The following NRF1 variants were observed in gnomAD, a reference collection of about 807,000 sequenced individuals.
NRF1 encodes nuclear respiratory factor 1.
NRF1 carries 5 observed loss-of-function variants against 58.5 expected under a neutral mutation model. That is an observed-to-expected ratio of 0.09 (90% CI 0.04 to 0.18). The LOEUF is 0.18. NRF1 is among the 10% of genes least tolerant of loss of function. The probability of loss-of-function intolerance (pLI) is 1.00; values close to 1 mark genes in which losing one functional copy is unlikely to be tolerated. For missense variants in NRF1, 288 were observed against 657.7 expected, an observed-to-expected ratio of 0.44 and a Z score of 6.15; for synonymous variants, 224 against 246.7, an observed-to-expected ratio of 0.91 and a Z score of 0.86.
At chr7:129,670,067 T>G (rs1415183319) in intron 2 of NRF1, among the ~76,000 whole-genome samples, 14 of 152,192 alleles carry the variant, frequency 9.2e-5, no homozygotes, top group Admixed American at 6.5e-5. Context: ...TTGGGGACAT[T>G]ATGATAAGTG....
chr7:129,676,806 G>T (rs1157061577), intron 3 of NRF1, among the ~76,000 whole-genome samples: 1 of 152,128 alleles, frequency 6.6e-6, no homozygotes, highest in East Asian at 1.9e-4. Context: ...AAAGATCCCA[G>T]ATAGTATCTG....
At chr7:129,753,663 C>T (rs537891404) in intron 10 of NRF1, among the ~76,000 whole-genome samples, 1 of 152,054 alleles carries the variant, frequency 6.6e-6, no homozygotes, top group South Asian at 2.1e-4. Flanking sequence ...AGGTTATGTG[C>T]TTCTTCCTTT....
At chr7:129,683,364 T>C (rs1290122962) in intron 4 of NRF1, among the ~76,000 whole-genome samples, 1 of 149,062 alleles carries the variant, frequency 6.7e-6, no homozygotes, top group Non-Finnish European at 1.5e-5. Context: ...AGACTTGCTC[T>C]ATTGCCCAGG....
chr7:129,706,030 G>A (rs1040503936), intron 5 of NRF1, among the ~76,000 whole-genome samples: 8 of 152,130 alleles, frequency 5.3e-5, no homozygotes, highest in Admixed American at 2.6e-4. Flanking sequence ...AATGAGTGGC[G>A]GCATTAGAAT....
chr7:129,709,361 C>A, intron 6 of NRF1, 128 bp downstream of exon 6: 1 of 669,736 alleles, frequency 1.5e-6, no homozygotes, highest in South Asian at 4.8e-5. Context: ...CCTCCAAAGA[C>A]TGATATTCTT....
chr7:129,687,101 T>C (rs965522083), intron 4 of NRF1, among the ~76,000 whole-genome samples: 4 of 152,196 alleles, frequency 2.6e-5, no homozygotes, highest in African/African-American at 9.7e-5. Flanking sequence ...CTTCTTCACA[T>C]TCAGAGTCCA....
chr7:129,671,929 A>G (rs1802057120), intron 3 of NRF1, among the ~76,000 whole-genome samples: 1 of 152,176 alleles, frequency 6.6e-6, no homozygotes, highest in Admixed American at 6.5e-5. Flanking sequence ...GGAGTAAGGA[A>G]AATAGAAAAG....
At chr7:129,637,504 A>T (rs75002267) in intron 1 of NRF1, among the ~76,000 whole-genome samples, 2,464 of 152,266 alleles carry the variant, frequency 0.016, 71 homozygotes, top group African/African-American at 0.056. Context: ...AGGGAGAAAT[A>T]AATCTATAAA....
At chr7:129,689,669 A>C (rs189047178) in intron 4 of NRF1, among the ~76,000 whole-genome samples, 14 of 152,228 alleles carry the variant, frequency 9.2e-5, no homozygotes, top group Non-Finnish European at 1.9e-4. Flanking sequence ...TGAGACATGT[A>C]ACTGGCAGTA....
rs981454259 is a variant in NRF1, at chr7:129,701,610, GA to G, written c.607-7455del. Among the ~76,000 whole-genome samples the G allele has an allele frequency of 2.7e-4, 39 of 145,224 alleles. No homozygotes were observed. The South Asian group carries it at 7.0e-3, about 26-fold the overall frequency. On this transcript the variant is annotated intron_variant, in intron 5 of 10. Coordinates refer to ENST00000393232, the MANE Select transcript of NRF1 (RefSeq NM_005011.5). ...CTGTCTCAAAAAAAAAAAAGAAAAA[GA>G]AAAAAAAAAGAGAGAAAACTTGGTA...
intron 5 of NRF1, among the ~76,000 whole-genome samples, chr7:129,705,329 T>TC (rs1490442984): frequency 6.6e-6 from 1 of 152,146 alleles, no homozygotes; most frequent in African/African-American, 2.4e-5. Flanking sequence ...CTTGCTCTGT[T>TC]GCCCAGGCTG....
intron 3 of NRF1, among the ~76,000 whole-genome samples, chr7:129,672,162 G>A (rs1412790929): frequency 6.6e-6 from 1 of 150,440 alleles, no homozygotes; most frequent in Non-Finnish European, 1.5e-5. Flanking sequence ...GATATGAGAG[G>A]ATGTTCAGAG....
At chr7:129,705,421 G>A (rs140956958) in intron 5 of NRF1, among the ~76,000 whole-genome samples, 2,331 of 152,254 alleles carry the variant, frequency 0.015, 57 homozygotes, top group African/African-American at 0.053. Flanking sequence ...CTCCTGAGTA[G>A]CTGGCATTAC....
At chr7:129,737,533 C>T (rs1183636596) in intron 10 of NRF1, among the ~76,000 whole-genome samples, 2 of 152,102 alleles carry the variant, frequency 1.3e-5, no homozygotes, top group East Asian at 3.8e-4. Flanking sequence ...GGGATGATGC[C>T]AATCCTCCAC....
intron 1 of NRF1, among the ~76,000 whole-genome samples, chr7:129,625,675 A>ATTTTTTTT (rs56694598): frequency 3.4e-5 from 3 of 88,990 alleles, no homozygotes; most frequent in Admixed American, 1.6e-4. Flanking sequence ...TAATGTTTTA[A>ATTTTTTTT]TTTTTTTTTT....
intron 5 of NRF1, among the ~76,000 whole-genome samples, chr7:129,697,989 T>G (rs1802738919): frequency 6.6e-6 from 1 of 152,090 alleles, no homozygotes; most frequent in East Asian, 1.9e-4. Flanking sequence ...GTCTTGGCCT[T>G]CCAAAGTTTT....
chr7:129,710,107 T>C (rs1361352533), intron 6 of NRF1, among the ~76,000 whole-genome samples: 2 of 152,202 alleles, frequency 1.3e-5, no homozygotes. Flanking sequence ...AATCTTTCTT[T>C]GCAAGAAGTT....
chr7:129,694,974 A>T (rs904047760), intron 5 of NRF1, among the ~76,000 whole-genome samples: 5 of 152,368 alleles, frequency 3.3e-5, no homozygotes, highest in Middle Eastern at 3.4e-3. Flanking sequence ...TTTAGAATTT[A>T]TATAGGAAGA....
intron 5 of NRF1, among the ~76,000 whole-genome samples, chr7:129,695,663 T>G (rs1417883808): frequency 4.0e-5 from 6 of 150,616 alleles, no homozygotes; most frequent in Non-Finnish European, 7.4e-5. Flanking sequence ...TTTTTCTCTT[T>G]CTTTTGGGAG....
Sources: allele counts gnomAD v4.1 joint callset (sites outside exome capture counted in the v4.1 genomes callset), GRCh38; gene constraint gnomAD v4.1.1; transcripts MANE v1.5; gene names NCBI Gene and HGNC (gene_info 2026-07-23, HGNC 2026-07-21).